Variants in RUNX2 observed in about 807,000 individuals in gnomAD.
RUNX2 encodes RUNX family transcription factor 2.
RUNX2 carries 10 observed loss-of-function variants against 51.7 expected under a neutral mutation model. The ratio of observed to expected loss-of-function variants is 0.19; its 90% CI spans 0.12 to 0.33. RUNX2 has a LOEUF of 0.33. Among genes scored for constraint, RUNX2 ranks in the 10% least tolerant of loss-of-function variants. RUNX2 has a pLI of 1.00. For synonymous variants in RUNX2, 276 were observed against 273.6 expected, an observed-to-expected ratio of 1.01 and a Z score of -0.09; for missense variants, 562 against 691.3, an observed-to-expected ratio of 0.81 and a Z score of 2.10.
At chr6:45,507,598 A>G (rs1288668038) in intron 6 of RUNX2, among the ~76,000 whole-genome samples, 2 of 152,214 alleles carry the variant, frequency 1.3e-5, no homozygotes, top group Non-Finnish European at 2.9e-5. Flanking sequence ...GACATTTTAC[A>G]GCCATTTTTT....
intron 5 of RUNX2, among the ~76,000 whole-genome samples, chr6:45,474,166 T>TTTTTC (rs1799885836): frequency 1.3e-5 from 2 of 152,078 alleles, no homozygotes; most frequent in African/African-American, 4.8e-5. Flanking sequence ...TTCTTTTTTT[T>TTTTTC]TTTTTCCCTT....
chr6:45,401,224 A>G (rs1317137673), intron 2 of RUNX2, among the ~76,000 whole-genome samples: 1 of 152,208 alleles, frequency 6.6e-6, no homozygotes, highest in East Asian at 1.9e-4. Context: ...AAAGCATTTT[A>G]TCATTCTTTG....
intron 7 of RUNX2, among the ~76,000 whole-genome samples, chr6:45,541,314 G>A (rs1206268119): frequency 2.0e-5 from 3 of 152,166 alleles, no homozygotes; most frequent in Non-Finnish European, 4.4e-5. Flanking sequence ...GAGTGAGTAA[G>A]GGTCCAAAAG....
intron 5 of RUNX2, among the ~76,000 whole-genome samples, chr6:45,449,246 G>A (rs1389647594): frequency 3.3e-5 from 5 of 152,090 alleles, no homozygotes; most frequent in Non-Finnish European, 2.9e-5. Context: ...AGACATGAAG[G>A]CAACTTCACA....
At chr6:45,390,286 A>ACAG (rs1264898365) in intron 2 of RUNX2, among the ~76,000 whole-genome samples, 1 of 152,168 alleles carries the variant, frequency 6.6e-6, no homozygotes, top group Non-Finnish European at 1.5e-5. Flanking sequence ...CAGCTCTGGA[A>ACAG]CAGCAATATG....
At chr6:45,441,506 T>TG (rs1413931216) in intron 5 of RUNX2, among the ~76,000 whole-genome samples, 1 of 152,200 alleles carries the variant, frequency 6.6e-6, no homozygotes, top group African/African-American at 2.4e-5. Context: ...GTATGTAAAA[T>TG]GGGTAGCACA....
chr6:45,548,135 T>C lies in RUNX2; in HGVS notation c.*830T>C, dbSNP rs527608966. The C allele has an allele frequency of 3.3e-5, 5 of 152,564 alleles. No homozygotes were observed. The highest frequency in any genetic ancestry group is 1.2e-4 in the African/African-American group (5 of 41,432). 9.5% of individuals were successfully genotyped at this position (152,564 alleles called of 1,614,324 possible). ...GGCTATGTGTTGTTTTCTTTTTTTTTAAATTATGAATATGTGTAAAATCTG... is the reference window on the plus strand; with the variant it reads ...GGCTATGTGTTGTTTTCTTTTTTTTCAAATTATGAATATGTGTAAAATCTG... On this transcript the variant is annotated 3_prime_UTR_variant, in exon 9 of 9. Coordinates refer to ENST00000647337, the MANE Select transcript of RUNX2 (RefSeq NM_001024630.4).
rs529920399 is a variant in RUNX2, at chr6:45,406,103, G to A, written c.59-16490G>A. Among the ~76,000 whole-genome samples the A allele has an allele frequency of 1.2e-4, 19 of 152,052 alleles. 1 individual carries two copies. In the South Asian group the frequency reaches 2.9e-3, roughly 23 times the overall value. Reference sequence around the variant, plus strand: ...CTCTCTACCTATTTCACAAATTCTCGACTGCTCTGTAAACATTTTGAGGAA... The same window carrying A: ...CTCTCTACCTATTTCACAAATTCTCAACTGCTCTGTAAACATTTTGAGGAA... On this transcript the variant is annotated intron_variant, in intron 2 of 8. Transcript: ENST00000647337.
chr6:45,329,207 T>C (rs898620919), intron 2 of RUNX2, among the ~76,000 whole-genome samples: 1 of 151,964 alleles, frequency 6.6e-6, no homozygotes, highest in Non-Finnish European at 1.5e-5. Flanking sequence ...TTTTACAAAA[T>C]AACAGACCAC....
chr6:45,422,783 T>TGCG lies in RUNX2; in HGVS notation c.258_260dup (p.Ala89dup), dbSNP rs879055045. 1.7e-5 allele frequency: 25 copies of TGCG among 1,429,498 alleles called. No individual in the cohort carries two copies. The highest frequency in any genetic ancestry group is 2.2e-5 in the Non-Finnish European group (24 of 1,079,846). 88.6% of individuals were successfully genotyped at this position (1,429,498 alleles called of 1,614,324 possible). A position where few individuals can be genotyped will look rare whatever the true frequency, so the allele number is the denominator to read the frequency against. ...CGGCGGCTGCGGCGGCGGCGGCGGC[T>TGCG]GCGGCGGCGGCAGCTGCAGTGCCCC... is the stretch of plus-strand genomic sequence containing the variant. On this transcript the variant is annotated inframe_insertion, in exon 3 of 9. Transcript: ENST00000647337.
chr6:45,357,273 C>G (rs1793399279), intron 2 of RUNX2, among the ~76,000 whole-genome samples: 1 of 152,138 alleles, frequency 6.6e-6, no homozygotes, highest in Non-Finnish European at 1.5e-5. Flanking sequence ...TCCCAAAGTG[C>G]TGGGATTATA....
chr6:45,355,795 T>C (rs1020363333), intron 2 of RUNX2, among the ~76,000 whole-genome samples: 5 of 152,164 alleles, frequency 3.3e-5, no homozygotes, highest in African/African-American at 1.2e-4. Context: ...GACTTAGAAA[T>C]GGGTTGTATT....
intron 5 of RUNX2, among the ~76,000 whole-genome samples, chr6:45,463,198 T>G (rs528986590): frequency 6.6e-6 from 1 of 152,302 alleles, no homozygotes; most frequent in East Asian, 1.9e-4. Flanking sequence ...GGAAATAAAA[T>G]ACATGCTGAT....
At chr6:45,355,625 ATATT>A (rs1292984378) in intron 2 of RUNX2, among the ~76,000 whole-genome samples, 1 of 152,186 alleles carries the variant, frequency 6.6e-6, no homozygotes, top group Non-Finnish European at 1.5e-5. Flanking sequence ...TGAAATATTT[ATATT>A]TAATTACAAA....
At chr6:45,333,915 T>C (rs1581663849) in intron 2 of RUNX2, among the ~76,000 whole-genome samples, 2 of 151,306 alleles carry the variant, frequency 1.3e-5, no homozygotes, top group East Asian at 3.9e-4. Context: ...ATTTTCATCT[T>C]TTAAATCAAC....
intron 3 of RUNX2, among the ~76,000 whole-genome samples, chr6:45,429,194 G>A (rs761033703): frequency 2.6e-4 from 39 of 152,114 alleles, no homozygotes; most frequent in Non-Finnish European, 4.1e-4. Context: ...TAGCAGAAGT[G>A]GGGAAAAAGT....
chr6:45,529,918 A>G (rs902406021), intron 7 of RUNX2, among the ~76,000 whole-genome samples: 1 of 152,158 alleles, frequency 6.6e-6, no homozygotes, highest in Non-Finnish European at 1.5e-5. Context: ...GTCTTAAGGC[A>G]TTGGTACTGA....
chr6:45,481,032 C>T (rs1166542860), intron 5 of RUNX2, among the ~76,000 whole-genome samples: 2 of 152,166 alleles, frequency 1.3e-5, no homozygotes, highest in East Asian at 3.8e-4. Flanking sequence ...AAGAGAGGAG[C>T]CCTTTGCCTT....
At chr6:45,371,855 A>C (rs1177171034) in intron 2 of RUNX2, 3 of 983,020 alleles carry the variant, frequency 3.1e-6, no homozygotes, top group Non-Finnish European at 3.6e-6. Context: ...CAGTTTGAAA[A>C]TCACTAATTT....
Sources: allele counts gnomAD v4.1 joint callset (sites outside exome capture counted in the v4.1 genomes callset), GRCh38; gene constraint gnomAD v4.1.1; transcripts MANE v1.5; gene names NCBI Gene and HGNC (gene_info 2026-07-23, HGNC 2026-07-21).